MTOR: variants seen among roughly 807,000 people sequenced by gnomAD.
MTOR encodes the protein mechanistic target of rapamycin kinase, also known as serine/threonine-protein kinase mTOR.
In MTOR, 70 loss-of-function variants were observed where a neutral mutation model predicts 319.8. The ratio of observed to expected loss-of-function variants is 0.22; its 90% CI spans 0.18 to 0.27. MTOR has a LOEUF of 0.27. MTOR is among the 10% of genes least tolerant of loss of function. The pLI, the probability that MTOR is intolerant of heterozygous loss-of-function variation, is 1.00. For missense variants in MTOR, 1,890 were observed against 3,274.4 expected, an observed-to-expected ratio of 0.58 and a Z score of 10.32; for synonymous variants, 1,183 against 1,211.4, an observed-to-expected ratio of 0.98 and a Z score of 0.49.
intron 26 of MTOR, among the ~76,000 whole-genome samples, chr1:11,201,169 C>A (rs968180731): frequency 2.6e-5 from 4 of 151,994 alleles, no homozygotes; most frequent in South Asian, 4.1e-4. Context: ...TCTCTAAAAT[C>A]ATAAAAAAAG....
rs187558340 is a variant in MTOR at position 11,200,775 on chromosome 1, G to T, written c.3945-1072C>A. Among the ~76,000 whole-genome samples, 39 of 152,270 alleles carry T rather than the reference G, an allele frequency of 2.6e-4. 2 individuals are homozygous for T. In the East Asian group the frequency reaches 5.6e-3, roughly 22 times the overall value. On this transcript the variant is annotated intron_variant, in intron 26 of 57. Coordinates refer to ENST00000361445, the MANE Select transcript of MTOR (RefSeq NM_004958.4). ...TCACGCCTGTAATCCCAGTACTTTG[G>T]GGGGCTGAGGCGGGCGGATCACAAG...
chr1:11,192,513 T>C (rs977802747), intron 28 of MTOR: 6 of 669,148 alleles, frequency 9.0e-6, no homozygotes, highest in South Asian at 3.6e-5. Context: ...CCCAGCACTA[T>C]GGGAGGCCGA....
At chr1:11,254,106 AAACT>A (rs1302662342) in intron 5 of MTOR, 133 bp from the exon 6 acceptor site, 2 of 989,944 alleles carry the variant, frequency 2.0e-6, no homozygotes, top group Non-Finnish European at 3.0e-6. Context: ...GTCATCAACA[AAACT>A]AACTGATCAA....
At chr1:11,191,651 C>T (rs904696309) in intron 28 of MTOR, among the ~76,000 whole-genome samples, 10 of 152,166 alleles carry the variant, frequency 6.6e-5, no homozygotes, top group Non-Finnish European at 1.5e-4. Context: ...ACTGGCCAGT[C>T]TGATGCTCTC....
At chr1:11,167,220 T>C (rs1037644998) in intron 29 of MTOR, among the ~76,000 whole-genome samples, 9 of 151,442 alleles carry the variant, frequency 5.9e-5, no homozygotes, top group Non-Finnish European at 8.8e-5. Context: ...GTTGTGCACA[T>C]GTACCCTAGA....
At chr1:11,252,389 A>G (rs191668295) in intron 6 of MTOR, among the ~76,000 whole-genome samples, 157 of 152,142 alleles carry the variant, frequency 1.0e-3, no homozygotes, top group African/African-American at 3.8e-3. Context: ...TTCCCACTTC[A>G]GCCTCCCAAA....
At chr1:11,235,896 C>T (rs959790045) in intron 13 of MTOR, among the ~76,000 whole-genome samples, 2 of 151,750 alleles carry the variant, frequency 1.3e-5, no homozygotes, top group Non-Finnish European at 2.9e-5. Flanking sequence ...GCAGGAGAAT[C>T]GCTTGAACCT....
At chr1:11,113,405 G>GA (rs1353452764) in intron 53 of MTOR, among the ~76,000 whole-genome samples, 7 of 152,210 alleles carry the variant, frequency 4.6e-5, no homozygotes, top group African/African-American at 1.7e-4. Context: ...AAAAATACTT[G>GA]AAGTTCTTTT....
At position 11,256,920 on chromosome 1, in the gene MTOR, T is replaced by C; in HGVS notation, c.504+13A>G. On this transcript the variant is annotated intron_variant, in intron 4 of 57. Coordinates refer to ENST00000361445, the MANE Select transcript of MTOR (RefSeq NM_004958.4). ...CCCCAAGCCTGGCTGTGCTCCTCCCTGTAGACACTCACAGCTGCATGTCTC... is the reference window on the plus strand; with the variant it reads ...CCCCAAGCCTGGCTGTGCTCCTCCCCGTAGACACTCACAGCTGCATGTCTC... 3.1e-6 allele frequency: 5 copies of C among 1,611,150 alleles called. No homozygotes were observed. The highest frequency in any genetic ancestry group is 1.7e-4 in the Middle Eastern group (1 of 6,056).
rs1641762507 is a variant in MTOR at position 11,109,776 on chromosome 1, C to T, written c.7367-47G>A. The stretch of plus-strand genomic sequence containing the variant: ...AACAGAAAATTCAAACACCAAAAAG[C>T]CACTGTTGGTGTTAGCATCTAATTC... On this transcript the variant is annotated intron_variant, in intron 54 of 57. Coordinates refer to ENST00000361445, the MANE Select transcript of MTOR (RefSeq NM_004958.4). The surrounding 1 kb of genome is among the most constrained non-coding windows in gnomAD (Gnocchi z 4.0). 10 of 1,529,426 alleles carry T rather than the reference C, an allele frequency of 6.5e-6. No individual in the cohort carries two copies. The highest frequency in any genetic ancestry group is 1.7e-4 in the Middle Eastern group (1 of 5,896). 94.7% of individuals were successfully genotyped at this position (1,529,426 alleles called of 1,614,324 possible).
chr1:11,257,245 G>A (rs754092014), intron 3 of MTOR, 80 bp from the exon 4 acceptor site: 12 of 1,271,914 alleles, frequency 9.4e-6, no homozygotes, highest in Admixed American at 6.0e-5. Flanking sequence ...CTAAAAGCTG[G>A]TGAGTGCCGG....
chr1:11,203,729 C>T (rs1445002914), intron 26 of MTOR, among the ~76,000 whole-genome samples: 1 of 152,140 alleles, frequency 6.6e-6, no homozygotes, highest in Non-Finnish European at 1.5e-5. Context: ...AACAGTGGCT[C>T]CTGTCCCATA....
At chr1:11,125,602 C>T (rs1048458776) in intron 46 of MTOR, among the ~76,000 whole-genome samples, 16 of 150,904 alleles carry the variant, frequency 1.1e-4, no homozygotes, top group African/African-American at 2.4e-4. Context: ...GTGTGGCATG[C>T]GCCTGTAATC....
At chr1:11,177,022 G>T (rs1645014272) in intron 28 of MTOR, among the ~76,000 whole-genome samples, 1 of 152,092 alleles carries the variant, frequency 6.6e-6, no homozygotes, top group East Asian at 1.9e-4. Context: ...GAGGGCTGCC[G>T]GAATGCAGAC....
intron 28 of MTOR, among the ~76,000 whole-genome samples, chr1:11,187,014 A>G (rs933986950): frequency 6.6e-6 from 1 of 152,190 alleles, no homozygotes; most frequent in Admixed American, 6.5e-5. Context: ...CAAACTTACG[A>G]ACCTCCTCCT....
At chr1:11,192,251 G>A in intron 28 of MTOR, 4 of 1,581,524 alleles carry the variant, frequency 2.5e-6, no homozygotes, top group Non-Finnish European at 3.5e-6. Context: ...TGCTCACCCT[G>A]TGGTTTGTTC....
At chr1:11,240,865 T>A (rs977889793) in intron 10 of MTOR, among the ~76,000 whole-genome samples, 2 of 152,044 alleles carry the variant, frequency 1.3e-5, no homozygotes, top group African/African-American at 4.8e-5. Flanking sequence ...AGAACTTAGT[T>A]TAGGAAGCTT....
intron 30 of MTOR, among the ~76,000 whole-genome samples, chr1:11,155,520 C>T (rs1644289539): frequency 6.6e-6 from 1 of 152,172 alleles, no homozygotes; most frequent in Non-Finnish European, 1.5e-5. Flanking sequence ...ATAAGGCCCT[C>T]ATGTGAGAGA....
intron 28 of MTOR, among the ~76,000 whole-genome samples, chr1:11,178,567 C>CT (rs1219687342): frequency 6.6e-6 from 1 of 152,196 alleles, no homozygotes; most frequent in African/African-American, 2.4e-5. Flanking sequence ...TGGCCATTAT[C>CT]TTTTTATTCT....
Sources: gnomAD v4.1 joint callset for allele counts (sites outside exome capture counted in the v4.1 genomes callset) on GRCh38, gnomAD v4.1.1 for gene constraint, Gnocchi (gnomAD v3.1) non-coding constraint, MANE v1.5 for transcripts, NCBI Gene and HGNC (gene_info 2026-07-23, HGNC 2026-07-21) for gene names.